The following LARGE1 variants were observed in gnomAD, a reference collection of about 807,000 sequenced individuals.
LARGE1 encodes the protein xylosyl- and glucuronyltransferase LARGE1.
In LARGE1, 43 loss-of-function variants were observed where a neutral mutation model predicts 87.6. The observed-to-expected ratio is 0.49, with a 90% CI of 0.38 to 0.63. The LOEUF is 0.63. Ranked by LOEUF, LARGE1 falls within the 30% of genes least tolerant of loss-of-function variation. The pLI, the probability that LARGE1 is intolerant of heterozygous loss-of-function variation, is 0.00. For missense variants in LARGE1, 802 were observed against 1,000.2 expected, an observed-to-expected ratio of 0.80 and a Z score of 2.67; for synonymous variants, 434 against 394.6, an observed-to-expected ratio of 1.10 and a Z score of -1.18.
chr22:33,109,598 T>C, the LARGE1 span, among the ~76,000 whole-genome samples: 1 of 152,226 alleles, frequency 6.6e-6, no homozygotes, highest in South Asian at 2.1e-4. Context: ...AATTAATTAA[T>C]GGATTTTATC....
intron 3 of LARGE1, among the ~76,000 whole-genome samples, chr22:33,628,870 G>T (rs2080014370): frequency 1.3e-5 from 2 of 152,226 alleles, no homozygotes; most frequent in South Asian, 4.1e-4. Context: ...GGGGCAGGGG[G>T]ATGCTACTGG....
chr22:33,125,764 TTTTTA>T, the LARGE1 span, among the ~76,000 whole-genome samples: 2 of 152,048 alleles, frequency 1.3e-5, no homozygotes, highest in African/African-American at 2.4e-5. Context: ...TTTAAATACA[TTTTTA>T]TTTTATTTTA....
intron 5 of LARGE1, among the ~76,000 whole-genome samples, chr22:33,591,858 A>AATT (rs1555967706): frequency 7.7e-6 from 1 of 129,848 alleles, no homozygotes; most frequent in East Asian, 2.1e-4. Context: ...AAAAAAAAAA[A>AATT]TTTTTTTTTT....
intron 2 of LARGE1, among the ~76,000 whole-genome samples, chr22:33,748,541 T>C (rs192011882): frequency 2.2e-4 from 33 of 152,308 alleles, no homozygotes; most frequent in African/African-American, 7.7e-4. Context: ...CTCGTTTTCA[T>C]CTTGCAAAAA....
At chr22:33,552,657 G>T (rs2077565827) in intron 6 of LARGE1, among the ~76,000 whole-genome samples, 1 of 152,194 alleles carries the variant, frequency 6.6e-6, no homozygotes, top group Non-Finnish European at 1.5e-5. Flanking sequence ...AAGCTAGAGA[G>T]ATATTGCTAA....
At chr22:33,097,817 G>A in the LARGE1 span, among the ~76,000 whole-genome samples, 1 of 152,160 alleles carries the variant, frequency 6.6e-6, no homozygotes, top group Non-Finnish European at 1.5e-5. Context: ...CTCTCTCAGG[G>A]TTGTTGAGGA....
chr22:33,545,913 T>G (rs543953285), intron 6 of LARGE1, among the ~76,000 whole-genome samples: 10 of 152,306 alleles, frequency 6.6e-5, no homozygotes, highest in African/African-American at 2.4e-4. Context: ...TTTAATAGCA[T>G]TTGATTCTGC....
intron 9 of LARGE1, among the ~76,000 whole-genome samples, chr22:33,379,815 C>A (rs1369942540): frequency 6.6e-6 from 1 of 152,146 alleles, no homozygotes; most frequent in Admixed American, 6.6e-5. Context: ...AGGGGCCCTA[C>A]TCTAAGACAC....
At chr22:33,539,752 T>C (rs913723845) in intron 6 of LARGE1, among the ~76,000 whole-genome samples, 10 of 89,958 alleles carry the variant, frequency 1.1e-4, no homozygotes, top group Non-Finnish European at 2.0e-4. Context: ...CTAATTTTTG[T>C]ATTTTTTTGT....
chr22:33,541,736 T>C (rs1455681443), intron 6 of LARGE1, among the ~76,000 whole-genome samples: 1 of 136,846 alleles, frequency 7.3e-6, no homozygotes, highest in Admixed American at 8.2e-5. Flanking sequence ...ACACATTTTC[T>C]TTCCAAAAAT....
chr22:33,549,369 C>T (rs1440893121), intron 6 of LARGE1, among the ~76,000 whole-genome samples: 1 of 152,224 alleles, frequency 6.6e-6, no homozygotes, highest in Non-Finnish European at 1.5e-5. Flanking sequence ...CCTCTCTTCA[C>T]GGATATGCAG....
At chr22:33,851,154 G>C (rs2063572136) in intron 1 of LARGE1, among the ~76,000 whole-genome samples, 1 of 152,230 alleles carries the variant, frequency 6.6e-6, no homozygotes. Flanking sequence ...TACCATGTGA[G>C]ATAAGGAGGA....
intron 3 of LARGE1, 144 bp downstream of exon 3, chr22:33,650,223 C>G: frequency 9.8e-7 from 1 of 1,017,874 alleles, no homozygotes; most frequent in Non-Finnish European, 1.5e-6. Context: ...GCAAAGTTAG[C>G]GAGCAAGCCA....
chr22:33,629,842 C>T (rs935998001), intron 3 of LARGE1, among the ~76,000 whole-genome samples: 13 of 151,978 alleles, frequency 8.6e-5, no homozygotes, highest in African/African-American at 3.1e-4. Flanking sequence ...CCAAGGTGGG[C>T]GGATCATCTA....
intron 1 of LARGE1, among the ~76,000 whole-genome samples, chr22:33,874,951 C>A (rs1031615306): frequency 3.9e-5 from 6 of 152,110 alleles, no homozygotes; most frequent in Admixed American, 6.5e-5. Flanking sequence ...AGAAGGTCAG[C>A]GAAGTTGAAA....
chr22:33,097,105 C>G, the LARGE1 span, among the ~76,000 whole-genome samples: 2 of 152,206 alleles, frequency 1.3e-5, no homozygotes, highest in Non-Finnish European at 1.5e-5. Flanking sequence ...TTATGCTCCT[C>G]ACCTGGGCCC....
intron 5 of LARGE1, among the ~76,000 whole-genome samples, chr22:33,592,101 G>A (rs1369649468): frequency 1.6e-5 from 2 of 122,222 alleles, no homozygotes; most frequent in Non-Finnish European, 3.4e-5. Context: ...GGGAGGGGAG[G>A]GAAGGGGGAC....
intron 7 of LARGE1, among the ~76,000 whole-genome samples, chr22:33,428,057 G>T (rs897982176): frequency 3.3e-5 from 5 of 152,154 alleles, no homozygotes; most frequent in Admixed American, 1.3e-4. Context: ...TAGGTAGCTG[G>T]ATTACACCTG....
chr22:33,075,167 C>T, the LARGE1 span, among the ~76,000 whole-genome samples: 3 of 152,164 alleles, frequency 2.0e-5, no homozygotes, highest in Non-Finnish European at 4.4e-5. Context: ...TGATAGCCAC[C>T]ATTTCAGTGA....
Sources: allele counts gnomAD v4.1 joint callset (sites outside exome capture counted in the v4.1 genomes callset), GRCh38; gene constraint gnomAD v4.1.1; transcripts MANE v1.5; gene names NCBI Gene and HGNC (gene_info 2026-07-23, HGNC 2026-07-21).